ASCC3: variants seen among roughly 807,000 people sequenced by gnomAD.
ASCC3 encodes the protein activating signal cointegrator 1 complex subunit 3, also known as ASC-1 complex subunit P200.
In ASCC3, 158 loss-of-function variants were observed where a neutral mutation model predicts 256.3. The observed-to-expected ratio is 0.62, with a 90% confidence interval of 0.54 to 0.70. ASCC3 has a LOEUF of 0.70. ASCC3 is among the 30% of genes least tolerant of loss of function. The pLI is 0.00. For synonymous variants in ASCC3, 948 were observed against 883.4 expected (o/e 1.07, Z -1.30); for missense variants, 2,259 against 2,626.0 (o/e 0.86, Z 3.05).
At chr6:100,842,000 T>C (rs1335172855) in intron 4 of ASCC3, among the ~76,000 whole-genome samples, 3 of 152,162 alleles carry the variant, frequency 2.0e-5, no homozygotes, top group African/African-American at 7.2e-5. Flanking sequence ...CTAAACATTC[T>C]TGTAAAGGAT....
At position 100,601,867 on chromosome 6, in the gene ASCC3, T is replaced by A; in HGVS notation, c.5246A>T (p.Asp1749Val). The A allele has an allele frequency of 6.2e-7, 1 of 1,612,708 alleles. No homozygotes were observed. Among genetic ancestry groups the A allele is most frequent in the Non-Finnish European group, 8.5e-7 (1 of 1,178,984 alleles). ...AGTCCAGGTGATATAATCCAATGCA[T>A]CTTGCTTAGATGTAATTGTACCACC... Reference protein sequence around the residue: ...IAGGTITSKQDALDYITWTYF... With the variant: ...IAGGTITSKQVALDYITWTYF... The change falls in exon 34 of 42, where the codon GAT becomes GTT. Residue 1749 changes from aspartate (D) to valine (V), a missense_variant. Transcript: ENST00000369162.
intron 8 of ASCC3, among the ~76,000 whole-genome samples, chr6:100,797,266 A>G (rs979752723): frequency 1.3e-5 from 2 of 152,074 alleles, no homozygotes; most frequent in Non-Finnish European, 2.9e-5. Flanking sequence ...CCTGGCCAAC[A>G]TGGCAAAACC....
intron 36 of ASCC3, among the ~76,000 whole-genome samples, chr6:100,556,323 G>C (rs986626574): frequency 3.9e-5 from 6 of 151,936 alleles, no homozygotes; most frequent in African/African-American, 1.5e-4. Flanking sequence ...CATAATACAG[G>C]CACAATTGCC....
chr6:100,852,292 C>T (rs1431294160), intron 3 of ASCC3, among the ~76,000 whole-genome samples: 2 of 152,152 alleles, frequency 1.3e-5, no homozygotes, highest in African/African-American at 4.8e-5. Context: ...AAACACTAAG[C>T]GAACCTCTAT....
intron 36 of ASCC3, among the ~76,000 whole-genome samples, chr6:100,555,738 G>C (rs1006444667): frequency 2.6e-5 from 4 of 152,196 alleles, no homozygotes; most frequent in African/African-American, 9.6e-5. Context: ...AAAATCTCAA[G>C]GCTGTCAGGT....
intron 13 of ASCC3, 143 bp from the exon 14 acceptor site, chr6:100,679,895 T>C: frequency 1.1e-6 from 1 of 919,338 alleles, no homozygotes; most frequent in Non-Finnish European, 1.7e-6. Context: ...CATATCCCTA[T>C]TTTAGAACAA....
chr6:100,877,243 G>C (rs1366853424), intron 1 of ASCC3, among the ~76,000 whole-genome samples: 1 of 151,878 alleles, frequency 6.6e-6, no homozygotes, highest in Non-Finnish European at 1.5e-5. Context: ...ATTATTAAAG[G>C]GACAAAAATA....
At chr6:100,833,499 C>A (rs1307368695) in intron 4 of ASCC3, among the ~76,000 whole-genome samples, 1 of 152,070 alleles carries the variant, frequency 6.6e-6, no homozygotes, top group Non-Finnish European at 1.5e-5. Context: ...ATTGGCTTAT[C>A]AATCATAACA....
chr6:100,847,997 A>G (rs9399696), intron 4 of ASCC3, 151 bp downstream of exon 4: 53,919 of 683,240 alleles, frequency 0.079, 4,313 homozygotes, highest in East Asian at 0.33. Flanking sequence ...GAACGTATAT[A>G]CAGGCCTGCT....
At position 100,805,858 on chromosome 6, in the gene ASCC3, T is replaced by C; in HGVS notation, c.824A>G (p.Glu275Gly). ...QDELFELLGP[E>G]GLELIEKLLQ... ...GAGTTTCTCAATAAGTTCAAGTCCT[T>C]CAGGTCCCAGCAGTTCAAATAGCTT... Residue 275 changes from glutamate (E) to glycine (G), a missense_variant, in exon 5 of 42, where the codon GAA becomes GGA. Around this residue, in one of 2 missense-constraint regions of ASCC3, gnomAD observed 420 missense variants for 419.3 expected, o/e 1.00. Coordinates refer to ENST00000369162, the MANE Select transcript of ASCC3 (RefSeq NM_006828.4). The C allele has an allele frequency of 6.2e-7, 1 of 1,611,444 alleles. No homozygotes were observed. Among genetic ancestry groups the C allele is most frequent in the South Asian group, 1.1e-5 (1 of 90,982 alleles).
intron 16 of ASCC3, among the ~76,000 whole-genome samples, chr6:100,656,187 TGTAA>T (rs887951766): frequency 1.3e-5 from 2 of 151,644 alleles, no homozygotes; most frequent in African/African-American, 2.4e-5. Context: ...TGCTGAAAAA[TGTAA>T]GTGTTAAGTG....
At chr6:100,708,444 A>C (rs1778705040) in intron 13 of ASCC3, among the ~76,000 whole-genome samples, 1 of 152,184 alleles carries the variant, frequency 6.6e-6, no homozygotes. Context: ...AATTTTACAC[A>C]CATTTAGATG....
rs556362521 is a variant in ASCC3, at chr6:100,670,098, C to A, written c.2287-7562G>T. Among the ~76,000 whole-genome samples, 8 of 151,892 alleles carry A rather than the reference C, an allele frequency of 5.3e-5. No homozygotes were observed. In the South Asian group the frequency reaches 1.5e-3, roughly 28 times the overall value. On this transcript the variant is annotated intron_variant, in intron 14 of 41. Transcript: ENST00000369162. ...ACTAAACATGCAGTTTAGTACACAACGGGCCAAGATTATGAACAATTTAAA... is the reference window on the plus strand; with the variant it reads ...ACTAAACATGCAGTTTAGTACACAAAGGGCCAAGATTATGAACAATTTAAA...
chr6:100,575,235 C>A (rs959833644), intron 36 of ASCC3, among the ~76,000 whole-genome samples: 1 of 151,968 alleles, frequency 6.6e-6, no homozygotes, highest in Non-Finnish European at 1.5e-5. Flanking sequence ...TGCTGGGTCC[C>A]CCACCAATGC....
Position 100,682,148 on chromosome 6 carries a change from C to T in ASCC3, c.2152-2396G>A, listed in dbSNP as rs12664920. ...TCTAATATAAAAATAAATTTTACCACCCAGAAAACCTCATTAACCCCCAAA... is the reference window on the plus strand; with the variant it reads ...TCTAATATAAAAATAAATTTTACCATCCAGAAAACCTCATTAACCCCCAAA... On this transcript the variant is annotated intron_variant, in intron 13 of 41. Transcript: ENST00000369162. Among the ~76,000 whole-genome samples, 1,954 of 151,896 alleles carry T rather than the reference C, an allele frequency of 0.013. 99 individuals are homozygous for T. The East Asian group carries it at 0.15, about 11-fold the overall frequency.
intron 34 of ASCC3, among the ~76,000 whole-genome samples, chr6:100,599,018 A>G (rs1772455999): frequency 6.6e-6 from 1 of 152,192 alleles, no homozygotes; most frequent in Non-Finnish European, 1.5e-5. Flanking sequence ...AAGTTAGAGT[A>G]GAGAAAGATT....
chr6:100,592,297 GT>G (rs892179505), intron 34 of ASCC3, among the ~76,000 whole-genome samples: 4 of 150,790 alleles, frequency 2.7e-5, no homozygotes, highest in African/African-American at 7.3e-5. Context: ...TCTTAACACA[GT>G]TTTTTTTTCT....
At chr6:100,579,490 T>C (rs534042704) in intron 36 of ASCC3, among the ~76,000 whole-genome samples, 1 of 152,266 alleles carries the variant, frequency 6.6e-6, no homozygotes, top group African/African-American at 2.4e-5. Context: ...CACATTCAAG[T>C]CTTCAATCCA....
At chr6:100,540,508 A>G (rs938780387) in intron 36 of ASCC3, 121 bp from the exon 37 acceptor site, 1 of 847,184 alleles carries the variant, frequency 1.2e-6, no homozygotes, top group Admixed American at 2.4e-5. Flanking sequence ...ATCCCTTAGA[A>G]TTTTGCTTGT....
Sources: allele counts gnomAD v4.1 joint callset (sites outside exome capture counted in the v4.1 genomes callset), GRCh38; gene constraint gnomAD v4.1.1; regional missense constraint gnomAD v4.1.1; transcripts MANE v1.5; gene names NCBI Gene and HGNC (gene_info 2026-07-23, HGNC 2026-07-21).